Variants in SYT2 observed in about 807,000 individuals in gnomAD.
SYT2 encodes synaptotagmin-2.
SYT2 carries 15 observed loss-of-function variants against 39.9 expected under a neutral mutation model. That is an observed-to-expected ratio of 0.38 (90% CI 0.25 to 0.58). SYT2 has a LOEUF of 0.58. SYT2 is among the 20% of genes least tolerant of loss of function. The pLI is 0.70. For synonymous variants in SYT2, 181 were observed against 204.5 expected, an observed-to-expected ratio of 0.89 and a Z score of 0.98; for missense variants, 389 against 530.3, an observed-to-expected ratio of 0.73 and a Z score of 2.62.
chr1:202,639,377 G>C (rs1691836611), intron 1 of SYT2: 1 of 313,750 alleles, frequency 3.2e-6, no homozygotes, highest in Non-Finnish European at 4.6e-6. Flanking sequence ...AGGAAGGAAA[G>C]AGCGTTGGAT....
intron 1 of SYT2, among the ~76,000 whole-genome samples, chr1:202,618,677 G>A (rs1691118218): frequency 6.6e-6 from 1 of 152,132 alleles, no homozygotes; most frequent in Non-Finnish European, 1.5e-5. Context: ...TGTTGCATGG[G>A]TAGAGACCGC....
chr1:202,617,308 A>G (rs1325990265), intron 1 of SYT2, among the ~76,000 whole-genome samples: 1 of 152,162 alleles, frequency 6.6e-6, no homozygotes, highest in Admixed American at 6.5e-5. Flanking sequence ...ATTGGATCAC[A>G]GGGTCAGATC....
rs1330724848 is a variant in SYT2 at position 202,601,689 on chromosome 1, T to TA, written c.801+200dup. On this transcript the variant is annotated intron_variant, in intron 6 of 8. Transcript: ENST00000367268. This position sits in a 1 kb window ranked among gnomAD's most constrained non-coding sequence, Gnocchi z 4.0. ...TATGCAGGTAATGAATCCTCATCTG[T>TA]AAAAAAAGACTAAAGGAGGGAACCC... 3.9e-5 allele frequency among the ~76,000 whole-genome samples: 6 copies of TA among 152,050 alleles called. No homozygotes were observed. The highest frequency in any genetic ancestry group is 2.1e-4 in the South Asian group (1 of 4,822).
At chr1:202,687,527 C>A (rs529740473) in intron 1 of SYT2, among the ~76,000 whole-genome samples, 1 of 152,170 alleles carries the variant, frequency 6.6e-6, no homozygotes, top group African/African-American at 2.4e-5. Context: ...GCGTGTCTGT[C>A]AGACAGAAGA....
intron 1 of SYT2, among the ~76,000 whole-genome samples, chr1:202,655,964 T>A (rs565890096): frequency 5.8e-4 from 89 of 152,216 alleles, no homozygotes; most frequent in Non-Finnish European, 7.5e-4. Flanking sequence ...GAGGGGGGCT[T>A]CCCTGTCTGA....
intron 2 of SYT2, among the ~76,000 whole-genome samples, 197 bp from the exon 3 acceptor site, chr1:202,604,818 C>CA (rs1690643865): frequency 1.4e-5 from 1 of 71,668 alleles, no homozygotes; most frequent in African/African-American, 5.4e-5. Flanking sequence ...TCATGCCTTG[C>CA]TTTTTTTTTT....
intron 1 of SYT2, among the ~76,000 whole-genome samples, chr1:202,689,312 T>C (rs1025859710): frequency 2.0e-5 from 3 of 152,148 alleles, no homozygotes; most frequent in Non-Finnish European, 4.4e-5. Context: ...CACGTGTGCA[T>C]ACACACACAG....
At chr1:202,678,959 A>T (rs1383468452) in intron 1 of SYT2, among the ~76,000 whole-genome samples, 1 of 152,094 alleles carries the variant, frequency 6.6e-6, no homozygotes, top group Admixed American at 6.5e-5. Context: ...CCAATGAAAC[A>T]GCTTTCAGAG....
In SYT2 at chr1:202,605,702, A is replaced by G. The variant is rs199582045; in HGVS notation, c.71T>C (p.Ile24Thr). 1.5e-4 allele frequency: 245 copies of G among 1,613,998 alleles called. No individual in the cohort carries two copies. The highest frequency in any genetic ancestry group is 1.5e-3 in the Middle Eastern group (9 of 6,056). The change falls in exon 2 of 9, where the codon ATT (isoleucine) becomes ACT (threonine). Residue 24 changes from isoleucine to threonine, a missense_variant. By Grantham distance (89) the Ile-to-Thr change is moderately conservative. Coordinates refer to ENST00000367268, the MANE Select transcript of SYT2 (RefSeq NM_177402.5). Reference protein sequence around the residue: ...APATTTATMPIGPVDNSTESG... With the variant: ...APATTTATMPTGPVDNSTESG... ...CTCAGTGGAGTTGTCCACGGGTCCA[A>G]TGGGCATCGTGGCGGTGGTGGTGGC...
At chr1:202,708,225 T>A (rs931336144) in intron 1 of SYT2, among the ~76,000 whole-genome samples, 10 of 151,988 alleles carry the variant, frequency 6.6e-5, no homozygotes, top group African/African-American at 2.4e-4. Flanking sequence ...TCCTGCATAA[T>A]CACCCCCTTC....
chr1:202,600,980 A>G (rs1199154309), intron 6 of SYT2, among the ~76,000 whole-genome samples: 1 of 152,148 alleles, frequency 6.6e-6, no homozygotes, highest in Non-Finnish European at 1.5e-5. Context: ...CACTTGTAGT[A>G]TGATTTGTGG....
At chr1:202,643,565 G>GGGCGATCCC in intron 1 of SYT2, 2 of 152,292 alleles carry the variant, frequency 1.3e-5, no homozygotes, top group East Asian at 3.9e-4. Context: ...GCCCCTCCGA[G>GGGCGATCCC]GGCGATCCCC....
At chr1:202,655,904 C>A (rs993412412) in intron 1 of SYT2, among the ~76,000 whole-genome samples, 6 of 152,130 alleles carry the variant, frequency 3.9e-5, no homozygotes, top group Non-Finnish European at 4.4e-5. Context: ...GCAAGGTGAC[C>A]ATGGAGCGAG....
intron 1 of SYT2, among the ~76,000 whole-genome samples, chr1:202,626,872 C>T (rs919455066): frequency 2.6e-5 from 4 of 152,132 alleles, no homozygotes; most frequent in East Asian, 1.9e-4. Flanking sequence ...AGCTACAAAC[C>T]GAGGATCAGG....
chr1:202,642,627 A>T (rs1465033244), intron 1 of SYT2, among the ~76,000 whole-genome samples: 1 of 152,190 alleles, frequency 6.6e-6, no homozygotes, highest in Admixed American at 6.5e-5. Flanking sequence ...TGGAAAATGC[A>T]GCCGCTCATC....
chr1:202,641,271 G>A (rs1691909974), intron 1 of SYT2, among the ~76,000 whole-genome samples: 1 of 152,158 alleles, frequency 6.6e-6, no homozygotes, highest in Non-Finnish European at 1.5e-5. Flanking sequence ...AAGTGGGAGG[G>A]CAATGCATTG....
chr1:202,651,122 TGAG>T (rs1021073996), intron 1 of SYT2, among the ~76,000 whole-genome samples: 1 of 151,640 alleles, frequency 6.6e-6, no homozygotes, highest in African/African-American at 2.4e-5. Flanking sequence ...CAGGAGGCAA[TGAG>T]AAGAGGGAGT....
chr1:202,642,929 C>T (rs1215574683), intron 1 of SYT2, among the ~76,000 whole-genome samples: 2 of 152,244 alleles, frequency 1.3e-5, no homozygotes, highest in African/African-American at 4.8e-5. Context: ...TAAGGCACCG[C>T]GGCTTCTCTC....
intron 1 of SYT2, among the ~76,000 whole-genome samples, chr1:202,699,934 A>G (rs1162783209): frequency 6.6e-6 from 1 of 152,154 alleles, no homozygotes; most frequent in Non-Finnish European, 1.5e-5. Context: ...TTTAAAATAA[A>G]GAGCTGGACT....
Sources: allele counts gnomAD v4.1 joint callset (sites outside exome capture counted in the v4.1 genomes callset), GRCh38; gene constraint gnomAD v4.1.1; non-coding constraint Gnocchi (gnomAD v3.1); transcripts MANE v1.5; gene names NCBI Gene and HGNC (gene_info 2026-07-23, HGNC 2026-07-21).